Variants in NAT1 observed in about 807,000 individuals in gnomAD.
The protein encoded by NAT1 is N-acetyltransferase 1.
For synonymous variants in NAT1, 144 were observed against 122.6 expected (o/e 1.17, Z -1.16); for missense variants, 400 against 339.2 (o/e 1.18, Z -1.41).
chr8:18,183,109 G>T (rs934201649), intron 2 of NAT1, among the ~76,000 whole-genome samples: 2 of 152,142 alleles, frequency 1.3e-5, no homozygotes, highest in African/African-American at 4.8e-5. Flanking sequence ...GAAGACTAAG[G>T]TCAATGCACC....
intron 2 of NAT1, among the ~76,000 whole-genome samples, chr8:18,182,542 C>T (rs1162262254): frequency 6.6e-6 from 1 of 152,202 alleles, no homozygotes; most frequent in African/African-American, 2.4e-5. Context: ...ACTCTTTTCA[C>T]TGCTTTGCAG....
chr8:18,216,918 G>A (rs902682517), intron 1 of NAT1: 1 of 1,551,100 alleles, frequency 6.4e-7, no homozygotes, highest in African/African-American at 1.4e-5. Flanking sequence ...CTTACACAAG[G>A]AGGCAGCCCT....
intron 2 of NAT1, among the ~76,000 whole-genome samples, chr8:18,191,901 G>A (rs906582685): frequency 6.6e-6 from 1 of 152,128 alleles, no homozygotes; most frequent in African/African-American, 2.4e-5. Context: ...AGAAGACCTA[G>A]GCATTACCAT....
intron 1 of NAT1, among the ~76,000 whole-genome samples, chr8:18,211,721 G>C (rs931550272): frequency 5.3e-5 from 8 of 152,148 alleles, no homozygotes; most frequent in Non-Finnish European, 1.0e-4. Context: ...CAGTGAGCTG[G>C]CTTAGGAGGG....
intron 2 of NAT1, among the ~76,000 whole-genome samples, chr8:18,184,632 T>C (rs1406294191): frequency 6.6e-6 from 1 of 152,208 alleles, no homozygotes; most frequent in African/African-American, 2.4e-5. Flanking sequence ...ATTTGAATGT[T>C]TGTCCCTTCC....
chr8:18,184,183 T>C (rs1314596445), intron 2 of NAT1, among the ~76,000 whole-genome samples: 4 of 152,246 alleles, frequency 2.6e-5, no homozygotes, highest in Admixed American at 2.6e-4. Context: ...GTTGAAGAAA[T>C]TCATGCCTCC....
chr8:18,172,482 C>T (rs2040469), intron 2 of NAT1, among the ~76,000 whole-genome samples: 81,267 of 151,724 alleles, frequency 0.54, 24,802 homozygotes, highest in African/African-American at 0.85. Flanking sequence ...AGGCTTGTCA[C>T]TTATTCTCCC....
At position 18,171,987 on chromosome 8, in the gene NAT1, A is replaced by C. The variant is rs549746179; in HGVS notation, n.92+1248A>C. ...ATTCCATTCTAACTCACTGTCTTTC[A>C]GCAAACAGACTAACATCTTATGAAA... On this transcript the variant is annotated intron_variant and non_coding_transcript_variant, in intron 2 of 4. Transcript: ENST00000517441. Among the ~76,000 whole-genome samples, 102 of 152,326 alleles carry C rather than the reference A, an allele frequency of 6.7e-4. 3 individuals are homozygous for C. The South Asian group carries it at 0.02, about 31-fold the overall frequency.
At chr8:18,174,965 C>T (rs1000388552) in intron 2 of NAT1, among the ~76,000 whole-genome samples, 1 of 152,136 alleles carries the variant, frequency 6.6e-6, no homozygotes, top group Admixed American at 6.6e-5. Flanking sequence ...CAAGTATGTA[C>T]AACGCTGTGT....
chr8:18,188,531 T>C (rs1442224170), intron 2 of NAT1, among the ~76,000 whole-genome samples: 1 of 152,140 alleles, frequency 6.6e-6, no homozygotes. Context: ...TTTATCAACT[T>C]TTATTAAAAT....
At chr8:18,216,342 C>T (rs771341128) in intron 1 of NAT1, among the ~76,000 whole-genome samples, 6 of 152,178 alleles carry the variant, frequency 3.9e-5, no homozygotes, top group Non-Finnish European at 8.8e-5. Context: ...CTTTCCATAG[C>T]ATCCCAAAGT....
chr8:18,199,688 G>A (rs1432426115), intron 2 of NAT1, among the ~76,000 whole-genome samples: 1 of 152,192 alleles, frequency 6.6e-6, no homozygotes, highest in Non-Finnish European at 1.5e-5. Context: ...CTTTGAGTGT[G>A]TGATGGCTGA....
At chr8:18,209,600 C>T (rs1205859695), upstream of NAT1, among the ~76,000 whole-genome samples, 2 of 152,212 alleles carry the variant, frequency 1.3e-5, no homozygotes, top group African/African-American at 2.4e-5. Flanking sequence ...ATACCACACA[C>T]ATGGGGCTCT....
chr8:18,222,406 T>C lies in NAT1; in HGVS notation c.359T>C (p.Ile120Thr), dbSNP rs777637715. ...LQVTIDGRNY[I>T]VDAGFGRSYQ... ...GTGACCATTGATGGCAGGAACTACA[T>C]TGTCGATGCTGGGTTTGGACGCTCA... Residue 120 changes from isoleucine to threonine, a missense_variant, in exon 3 of 3, where the codon ATT (isoleucine) becomes ACT (threonine). Coordinates refer to ENST00000307719, the MANE Select transcript of NAT1 (RefSeq NM_000662.8). The C allele has an allele frequency of 1.1e-5, 18 of 1,613,956 alleles. No homozygotes were observed. The highest frequency in any genetic ancestry group is 1.4e-5 in the Non-Finnish European group (17 of 1,180,004).
At chr8:18,221,704 C>T (rs4986988) in intron 2 of NAT1, 4,004 of 209,604 alleles carry the variant, frequency 0.019, 63 homozygotes, top group Middle Eastern at 0.078. Flanking sequence ...CATCAGAAGA[C>T]GTTTATAAGC....
chr8:18,207,543 A>T (rs185310491), upstream of NAT1, among the ~76,000 whole-genome samples: 177 of 152,360 alleles, frequency 1.2e-3, no homozygotes, highest in Non-Finnish European at 2.2e-3. Flanking sequence ...CATTAGAGAA[A>T]TGCAAGTCAA....
intron 2 of NAT1, among the ~76,000 whole-genome samples, chr8:18,186,230 G>A (rs183851715): frequency 6.6e-6 from 1 of 151,990 alleles, no homozygotes; most frequent in Non-Finnish European, 1.5e-5. Flanking sequence ...TATGATTATA[G>A]GTTTGTCTAC....
At chr8:18,184,535 A>G (rs79360166) in intron 2 of NAT1, among the ~76,000 whole-genome samples, 2,945 of 152,348 alleles carry the variant, frequency 0.019, 46 homozygotes, top group South Asian at 0.069. Flanking sequence ...GGAATTAATC[A>G]GTGTAATTAG....
chr8:18,216,129 T>C (rs1272681169), intron 1 of NAT1, among the ~76,000 whole-genome samples: 1 of 152,190 alleles, frequency 6.6e-6, no homozygotes, highest in Non-Finnish European at 1.5e-5. Context: ...GCATTTTACA[T>C]AACATACCTG....
Sources: allele counts gnomAD v4.1 joint callset (sites outside exome capture counted in the v4.1 genomes callset), GRCh38; gene constraint gnomAD v4.1.1; transcripts MANE v1.5; gene names NCBI Gene and HGNC (gene_info 2026-07-23, HGNC 2026-07-21).